Variants in ARHGAP32 observed in about 807,000 individuals in gnomAD.
The protein encoded by ARHGAP32 is rho GTPase-activating protein 32.
ARHGAP32 carries 51 observed loss-of-function variants against 186.5 expected under a neutral mutation model. That is an observed-to-expected ratio of 0.27 (90% confidence interval 0.22 to 0.35). ARHGAP32 has a LOEUF of 0.35. Among genes scored for constraint, ARHGAP32 ranks in the 10% least tolerant of loss-of-function variants. The pLI is 1.00. For synonymous variants in ARHGAP32, 950 were observed against 964.3 expected (o/e 0.99, Z 0.27); for missense variants, 2,186 against 2,623.5 (o/e 0.83, Z 3.64).
chr11:129,027,966 CTT>C (rs1010650438), intron 11 of ARHGAP32, among the ~76,000 whole-genome samples: 2 of 152,182 alleles, frequency 1.3e-5, no homozygotes, highest in African/African-American at 4.8e-5. Flanking sequence ...GGAAAAGCCT[CTT>C]TACTCAGGGC....
At chr11:129,187,881 G>A (rs1424156577) in intron 1 of ARHGAP32, among the ~76,000 whole-genome samples, 1 of 152,084 alleles carries the variant, frequency 6.6e-6, no homozygotes, top group East Asian at 1.9e-4. Flanking sequence ...GGGCCTGGGT[G>A]TGATATGGTA....
chr11:129,163,035 A>C (rs1307589416), intron 2 of ARHGAP32, among the ~76,000 whole-genome samples: 1 of 152,196 alleles, frequency 6.6e-6, no homozygotes. Context: ...GAGAACTTCC[A>C]CCTAATCTTT....
chr11:128,995,675 C>T (rs1375382754), intron 12 of ARHGAP32, among the ~76,000 whole-genome samples: 5 of 152,116 alleles, frequency 3.3e-5, no homozygotes, highest in Non-Finnish European at 7.4e-5. Flanking sequence ...CCCACCTCTA[C>T]AAAAAATACA....
chr11:129,248,292 T>C (rs1390910501), intron 1 of ARHGAP32, among the ~76,000 whole-genome samples: 2 of 152,080 alleles, frequency 1.3e-5, no homozygotes, highest in Non-Finnish European at 2.9e-5. Flanking sequence ...TGTTTCCTTC[T>C]AGAAGTTCTA....
At chr11:129,252,757 G>T (rs1005020753) in intron 1 of ARHGAP32, among the ~76,000 whole-genome samples, 1 of 152,164 alleles carries the variant, frequency 6.6e-6, no homozygotes, top group Admixed American at 6.6e-5. Context: ...CACAGTCTCG[G>T]GGAGGCTACC....
chr11:129,252,844 T>C (rs1021506544), intron 1 of ARHGAP32, among the ~76,000 whole-genome samples: 1 of 152,198 alleles, frequency 6.6e-6, no homozygotes, highest in Non-Finnish European at 1.5e-5. Context: ...CTACTCAGCA[T>C]GGGCTAGCTC....
chr11:128,988,216 TA>T, intron 12 of ARHGAP32, 91 bp from the exon 13 acceptor site: 1 of 929,974 alleles, frequency 1.1e-6, no homozygotes, highest in Non-Finnish European at 1.6e-6. Flanking sequence ...TTTACAAAAG[TA>T]AAATAAAATT....
chr11:129,059,794 A>G (rs1004203325), intron 10 of ARHGAP32, among the ~76,000 whole-genome samples: 4 of 151,974 alleles, frequency 2.6e-5, no homozygotes, highest in Non-Finnish European at 5.9e-5. Flanking sequence ...CACTGCCCCT[A>G]GCCTGAATTT....
Position 129,066,787 on chromosome 11 carries a change from T to G in ARHGAP32, c.613A>C (p.Arg205=). 2 of 1,612,518 alleles carry G rather than the reference T, an allele frequency of 1.2e-6. No homozygotes were observed. The highest frequency in any genetic ancestry group is 1.7e-6 in the Non-Finnish European group (2 of 1,178,980). The change falls in exon 7 of 23, where the codon AGA becomes CGA. Residue 205 remains arginine (R), a synonymous_variant. Transcript: ENST00000682385. The part of the protein sequence containing the change: ...KHLHLCIYDR[R]FSQLSELPRS... ...GGAAGTTCTGAGAGCTGGGAAAATC[T>G]TCGGTCATAAATACACAGATGAAGA...
At chr11:129,031,685 C>T (rs1939119165) in intron 11 of ARHGAP32, among the ~76,000 whole-genome samples, 1 of 152,076 alleles carries the variant, frequency 6.6e-6, no homozygotes, top group African/African-American at 2.4e-5. Context: ...GAGGGTGGTC[C>T]CTGGCAAGGG....
At chr11:129,108,801 A>G (rs912544047) in intron 5 of ARHGAP32, among the ~76,000 whole-genome samples, 5 of 152,138 alleles carry the variant, frequency 3.3e-5, no homozygotes, top group African/African-American at 1.2e-4. Context: ...GATACATAAT[A>G]TTTTACATAT....
intron 20 of ARHGAP32, 39 bp from the exon 21 acceptor site, chr11:128,975,041 G>A (rs368907449): frequency 6.7e-5 from 103 of 1,543,914 alleles, no homozygotes; most frequent in African/African-American, 2.7e-5. Context: ...TAAGAACATC[G>A]TAGATACAGA....
rs1565355179 is a variant in ARHGAP32, at chr11:128,982,163, ATTC to A, written c.1527-230_1527-228del. The stretch of plus-strand genomic sequence containing the variant: ...ACAAATAATATTTTGAAGTTATGCC[ATTC>A]TACTTGCAGCAGACATACTAACAGG... On this transcript the variant is annotated intron_variant, in intron 15 of 22. Coordinates refer to ENST00000682385, the MANE Select transcript of ARHGAP32 (RefSeq NM_001378024.1). Among the ~76,000 whole-genome samples the A allele has an allele frequency of 4.6e-5, 7 of 152,342 alleles. No homozygotes were observed. In the South Asian group the frequency reaches 1.5e-3, roughly 32 times the overall value.
At chr11:128,994,356 T>C (rs985634095) in intron 12 of ARHGAP32, among the ~76,000 whole-genome samples, 1 of 151,788 alleles carries the variant, frequency 6.6e-6, no homozygotes, top group African/African-American at 2.4e-5. Context: ...GGTTTCACCA[T>C]ATTGGGCAGG....
intron 20 of ARHGAP32, 99 bp from the exon 21 acceptor site, chr11:128,975,101 T>C: frequency 1.1e-6 from 1 of 932,824 alleles, no homozygotes; most frequent in East Asian, 2.5e-5. Context: ...ACTATCTAGG[T>C]GAAGGAAGTG....
chr11:129,077,943 T>C (rs1941098126), intron 6 of ARHGAP32, among the ~76,000 whole-genome samples: 1 of 152,192 alleles, frequency 6.6e-6, no homozygotes, highest in Non-Finnish European at 1.5e-5. Context: ...TTCCACAACC[T>C]GTAACATCCT....
intron 10 of ARHGAP32, among the ~76,000 whole-genome samples, chr11:129,047,188 T>C (rs947424802): frequency 1.3e-5 from 2 of 152,112 alleles, no homozygotes; most frequent in Non-Finnish European, 2.9e-5. Context: ...GGCTAGCGAA[T>C]CTTTAGCACT....
chr11:129,279,286 G>A (rs1945580232), exon 1 of ARHGAP32: 1 of 142,772 alleles, frequency 7.0e-6, no homozygotes, highest in Admixed American at 6.9e-5. Flanking sequence ...CGAGCCTAGC[G>A]CCTGGCCGCC....
At chr11:129,013,908 G>C (rs746195196) in intron 11 of ARHGAP32, among the ~76,000 whole-genome samples, 16 of 152,182 alleles carry the variant, frequency 1.1e-4, no homozygotes, top group Non-Finnish European at 1.9e-4. Context: ...TGTGGGGTTA[G>C]ATGATTAAGT....
Sources: gnomAD v4.1 joint callset for allele counts (sites outside exome capture counted in the v4.1 genomes callset) on GRCh38, gnomAD v4.1.1 for gene constraint, MANE v1.5 for transcripts, NCBI Gene and HGNC (gene_info 2026-07-23, HGNC 2026-07-21) for gene names.